The following ZNF407 variants were observed in gnomAD, a reference collection of about 807,000 sequenced individuals.
ZNF407 encodes zinc finger protein 407.
ZNF407 carries 17 observed loss-of-function variants against 131.2 expected under a neutral mutation model. The observed-to-expected ratio is 0.13, with a 90% CI of 0.09 to 0.19. The LOEUF is 0.19. Among genes scored for constraint, ZNF407 ranks in the 10% least tolerant of loss-of-function variants. The probability of loss-of-function intolerance (pLI) is 1.00; values close to 1 mark genes in which losing one functional copy is unlikely to be tolerated. For synonymous variants in ZNF407, 1,156 were observed against 1,062.0 expected (o/e 1.09, Z -1.72); for missense variants, 2,681 against 2,830.6 (o/e 0.95, Z 1.20).
chr18:74,752,761 T>A (rs1167796316), intron 3 of ZNF407, among the ~76,000 whole-genome samples: 1 of 152,238 alleles, frequency 6.6e-6, no homozygotes, highest in East Asian at 1.9e-4. Context: ...AGTACCATGC[T>A]GTTTTGGTTA....
At chr18:74,764,868 A>G (rs1478016067) in intron 3 of ZNF407, among the ~76,000 whole-genome samples, 3 of 152,242 alleles carry the variant, frequency 2.0e-5, no homozygotes, top group Non-Finnish European at 4.4e-5. Context: ...AATTGTTATT[A>G]AGAAAATCAT....
At chr18:74,643,142 A>C (rs1466131649) in intron 3 of ZNF407, among the ~76,000 whole-genome samples, 1 of 152,072 alleles carries the variant, frequency 6.6e-6, no homozygotes, top group African/African-American at 2.4e-5. Context: ...TAAAGTAAAA[A>C]ACATAAAAAA....
chr18:74,942,143 T>C (rs950009402), intron 8 of ZNF407, among the ~76,000 whole-genome samples: 6 of 152,184 alleles, frequency 3.9e-5, no homozygotes, highest in Admixed American at 1.3e-4. Flanking sequence ...ATTATTAATA[T>C]AAACTAGAGG....
intron 2 of ZNF407, among the ~76,000 whole-genome samples, chr18:74,639,151 A>G (rs1984595325): frequency 6.6e-6 from 1 of 152,208 alleles, no homozygotes; most frequent in South Asian, 2.1e-4. Context: ...AGCCATGGAC[A>G]GTAAATTGAA....
At chr18:74,916,758 A>G (rs1239043477) in intron 7 of ZNF407, among the ~76,000 whole-genome samples, 18 of 99,938 alleles carry the variant, frequency 1.8e-4, no homozygotes, top group African/African-American at 3.4e-4. Flanking sequence ...GTGAGATTGT[A>G]TGCAGCATTG....
chr18:74,674,959 C>A (rs1986296768), intron 3 of ZNF407, among the ~76,000 whole-genome samples: 1 of 152,106 alleles, frequency 6.6e-6, no homozygotes, highest in Non-Finnish European at 1.5e-5. Context: ...TCTTTGGGCA[C>A]CAGACTTGTG....
intron 4 of ZNF407, among the ~76,000 whole-genome samples, chr18:74,859,648 T>G (rs1568244432): frequency 6.6e-6 from 1 of 152,250 alleles, no homozygotes; most frequent in East Asian, 1.9e-4. Flanking sequence ...GATATTGGAA[T>G]AGATTGCCAT....
intron 8 of ZNF407, among the ~76,000 whole-genome samples, chr18:75,020,920 G>A (rs984633527): frequency 8.5e-5 from 13 of 152,250 alleles, no homozygotes; most frequent in South Asian, 2.1e-4. Flanking sequence ...ACAGTGGGCC[G>A]TGGCTGGAGG....
intron 4 of ZNF407, among the ~76,000 whole-genome samples, chr18:74,807,243 C>G (rs1227869966): frequency 1.3e-5 from 2 of 152,026 alleles, no homozygotes; most frequent in African/African-American, 2.4e-5. Context: ...AAAGAGTATT[C>G]TAGGTGGAGG....
chr18:74,696,898 C>T (rs1180772851), intron 3 of ZNF407, among the ~76,000 whole-genome samples: 1 of 152,118 alleles, frequency 6.6e-6, no homozygotes, highest in African/African-American at 2.4e-5. Flanking sequence ...TTTTTCTAAT[C>T]TCATCATATG....
intron 3 of ZNF407, among the ~76,000 whole-genome samples, chr18:74,644,264 A>G (rs548272458): frequency 6.7e-6 from 1 of 149,490 alleles, no homozygotes; most frequent in South Asian, 2.1e-4. Context: ...TATAGAATAT[A>G]GGTGTGTTTA....
intron 3 of ZNF407, among the ~76,000 whole-genome samples, chr18:74,713,559 G>A (rs1231488365): frequency 6.6e-6 from 1 of 152,086 alleles, no homozygotes; most frequent in Admixed American, 6.5e-5. Flanking sequence ...AGCTTGGCCA[G>A]TTTGTTTTGT....
chr18:75,005,868 T>C (rs905147351), intron 8 of ZNF407, among the ~76,000 whole-genome samples: 3 of 152,072 alleles, frequency 2.0e-5, no homozygotes, highest in Admixed American at 1.3e-4. Context: ...TGTCTGGTCA[T>C]CCTGCAACAA....
chr18:74,944,080 A>AG (rs1695987410), intron 8 of ZNF407, among the ~76,000 whole-genome samples: 1 of 152,134 alleles, frequency 6.6e-6, no homozygotes, highest in African/African-American at 2.4e-5. Context: ...TAATTATACG[A>AG]GGCGCCTGTA....
chr18:74,700,487 T>C lies in ZNF407; in HGVS notation c.4802+59365T>C, dbSNP rs9957316. On this transcript the variant is annotated intron_variant, in intron 3 of 8. Coordinates refer to ENST00000299687, the MANE Select transcript of ZNF407 (RefSeq NM_017757.3). ...TGCCAGCACTTTGCACTTTCCTCCA[T>C]CAAGGGCAGGTGGAGCTAACTTTAT... 3.1e-3 allele frequency among the ~76,000 whole-genome samples: 467 copies of C among 152,258 alleles called. 4 individuals carry two copies. The highest frequency in any genetic ancestry group is 9.6e-3 in the African/African-American group (400 of 41,526).
At chr18:74,672,840 A>G (rs1986206557) in intron 3 of ZNF407, among the ~76,000 whole-genome samples, 1 of 152,338 alleles carries the variant, frequency 6.6e-6, no homozygotes, top group Admixed American at 6.5e-5. Context: ...TAAAAAAATG[A>G]AAATATACAG....
In ZNF407 at chr18:74,920,605, G is replaced by T; in HGVS notation, c.5341G>T (p.Gly1781Trp). ...KMYNCPKCDY[G>W]TNVPVEFRNH... ...GTACAACTGTCCCAAGTGTGACTAC[G>T]GGACCAACGTCCCGGTGGAGTTCCG... The change falls in exon 8 of 9, where the codon GGG (glycine) becomes TGG (tryptophan). Residue 1781 changes from glycine to tryptophan, a missense_variant. By Grantham distance (184) the Gly-to-Trp change is radical. Coordinates refer to ENST00000299687, the MANE Select transcript of ZNF407 (RefSeq NM_017757.3). The T allele has an allele frequency of 6.2e-7, 1 of 1,610,866 alleles. No individual in the cohort carries two copies. The highest frequency in any genetic ancestry group is 8.5e-7 in the Non-Finnish European group (1 of 1,177,558).
intron 3 of ZNF407, among the ~76,000 whole-genome samples, chr18:74,707,393 C>A (rs570953390): frequency 3.4e-4 from 52 of 152,286 alleles, no homozygotes; most frequent in African/African-American, 1.1e-3. Flanking sequence ...ATGCTTGGAA[C>A]AGAACTGTTT....
At chr18:74,801,881 G>C (rs1229941016) in intron 4 of ZNF407, among the ~76,000 whole-genome samples, 1 of 152,128 alleles carries the variant, frequency 6.6e-6, no homozygotes. Context: ...AATCGTCCAA[G>C]TACATAGTTC....
Sources: gnomAD v4.1 joint callset for allele counts (sites outside exome capture counted in the v4.1 genomes callset) on GRCh38, gnomAD v4.1.1 for gene constraint, MANE v1.5 for transcripts, NCBI Gene and HGNC (gene_info 2026-07-23, HGNC 2026-07-21) for gene names.